Variants in KLHL8 observed in about 807,000 individuals in gnomAD.
KLHL8 encodes kelch like family member 8.
Under a neutral mutation model 63.5 loss-of-function variants are expected in KLHL8, and 38 were observed. That is an observed-to-expected ratio of 0.60 (90% confidence interval 0.46 to 0.78). The LOEUF (loss-of-function observed/expected upper bound fraction) is 0.78. Among genes scored for constraint, KLHL8 ranks in the 30% least tolerant of loss-of-function variants. KLHL8 has a pLI of 0.00. For missense variants in KLHL8, 566 were observed against 752.4 expected, an observed-to-expected ratio of 0.75 and a Z score of 2.90; for synonymous variants, 224 against 254.3, an observed-to-expected ratio of 0.88 and a Z score of 1.13.
intron 1 of KLHL8, among the ~76,000 whole-genome samples, chr4:87,234,924 TTAAAAAG>T (rs1733200980): frequency 6.6e-6 from 1 of 151,632 alleles, no homozygotes; most frequent in African/African-American, 2.4e-5. Context: ...AACCAACAGT[TTAAAAAG>T]AAAAGAAAAG....
At chr4:87,218,057 C>T (rs1732666958) in intron 1 of KLHL8, among the ~76,000 whole-genome samples, 1 of 152,076 alleles carries the variant, frequency 6.6e-6, no homozygotes, top group South Asian at 2.1e-4. Context: ...GATGTGATAA[C>T]ATGTCAATGT....
At chr4:87,164,952 T>C (rs969318882) in intron 8 of KLHL8, among the ~76,000 whole-genome samples, 8 of 151,820 alleles carry the variant, frequency 5.3e-5, no homozygotes, top group East Asian at 3.9e-4. Flanking sequence ...ATCGAGACCA[T>C]CCTGGCTAAC....
chr4:87,192,645 G>A (rs1319689582), intron 2 of KLHL8, among the ~76,000 whole-genome samples: 2 of 152,156 alleles, frequency 1.3e-5, no homozygotes, highest in East Asian at 3.8e-4. Flanking sequence ...ATGTGTCATT[G>A]AAGGATGGGG....
chr4:87,166,921 TG>T (rs1730422555), intron 8 of KLHL8: 1 of 167,666 alleles, frequency 6.0e-6, no homozygotes, highest in Non-Finnish European at 1.3e-5. Context: ...GCAGCCATGG[TG>T]AGGAGAGTGA....
chr4:87,196,402 T>C (rs1002941676), intron 1 of KLHL8, among the ~76,000 whole-genome samples: 61 of 152,156 alleles, frequency 4.0e-4, no homozygotes, highest in African/African-American at 1.5e-3. Flanking sequence ...GATATTTTGA[T>C]TGAATTAGGT....
At chr4:87,207,992 T>C in intron 1 of KLHL8, 1 of 735,744 alleles carries the variant, frequency 1.4e-6, no homozygotes, top group South Asian at 1.4e-5. Context: ...GGCATTGCCC[T>C]CAACAACCAC....
intron 8 of KLHL8, among the ~76,000 whole-genome samples, chr4:87,168,114 T>C (rs1730476029): frequency 6.6e-6 from 1 of 152,228 alleles, no homozygotes; most frequent in South Asian, 2.1e-4. Flanking sequence ...GTTTGATGCC[T>C]GCTGTTACTT....
In KLHL8 at chr4:87,234,491, G is replaced by A. The variant is rs140344140; in HGVS notation, n.57+5767C>T. On this transcript the variant is annotated intron_variant and non_coding_transcript_variant, in intron 1 of 1. Transcript: ENST00000506274. ...TGAAAAATTCCTATCCCTTAGTGAC[G>A]TCATAGCCATGATAATGTCCTGCAC... 3.7e-3 allele frequency among the ~76,000 whole-genome samples: 555 copies of A among 151,570 alleles called. 2 individuals carry two copies. Among genetic ancestry groups the A allele is most frequent in the Middle Eastern group, 0.017 (5 of 286 alleles).
chr4:87,185,629 C>T lies in KLHL8; in HGVS notation c.387G>A (p.Arg129=). 1.2e-6 allele frequency: 2 copies of T among 1,614,180 alleles called. No individual in the cohort carries two copies. The highest frequency in any genetic ancestry group is 1.7e-6 in the Non-Finnish European group (2 of 1,180,032). ...GGACATTGTCAACAGTCAAAGTGAG[C>T]CGTGAAGAATAGACAAACTTTACCA... The part of the protein sequence containing the change: ...EDLVKFVYSS[R]LTLTVDNVQP... Residue 129 remains arginine, a synonymous_variant, in exon 3 of 10, where the codon CGG becomes CGA. Transcript: ENST00000273963.
chr4:87,208,094 C>T (rs1732218742), intron 1 of KLHL8: 2 of 520,730 alleles, frequency 3.8e-6, no homozygotes, highest in Middle Eastern at 5.9e-4. Flanking sequence ...AAAAGGAAGA[C>T]CACCAGACCA....
chr4:87,204,046 T>C (rs1215544833), intron 1 of KLHL8, among the ~76,000 whole-genome samples: 1 of 152,224 alleles, frequency 6.6e-6, no homozygotes, highest in Non-Finnish European at 1.5e-5. Context: ...TCAACATCAC[T>C]GCCATTACGT....
chr4:87,214,417 TA>T (rs1287584887), intron 1 of KLHL8, among the ~76,000 whole-genome samples: 2 of 13,678 alleles, frequency 1.5e-4, no homozygotes, highest in Admixed American at 5.5e-4. Flanking sequence ...ACATAACAGA[TA>T]TATATATATA....
rs529465017 is a variant in KLHL8, at chr4:87,185,198, G to T, written c.765+53C>A. ...CTTTTCCTAATAAATGAAGCATGTT[G>T]ATTTGCTTCCATATCACTTCATTTC... On this transcript the variant is annotated intron_variant, in intron 3 of 9. Coordinates refer to ENST00000273963, the MANE Select transcript of KLHL8 (RefSeq NM_020803.5). 4 of 1,426,532 alleles carry T rather than the reference G, an allele frequency of 2.8e-6. No homozygotes were observed. The South Asian group carries it at 5.6e-5, about 20-fold the overall frequency. 88.4% of individuals were successfully genotyped at this position (1,426,532 alleles called of 1,614,324 possible).
At chr4:87,185,876 G>A in intron 2 of KLHL8, 77 bp from the exon 3 acceptor site, 1 of 1,255,398 alleles carries the variant, frequency 8.0e-7, no homozygotes, top group Non-Finnish European at 1.1e-6. Context: ...TGTGTTTGTA[G>A]CAGGGACAAA....
At chr4:87,226,837 AATAT>A (rs71840554) in intron 1 of KLHL8, among the ~76,000 whole-genome samples, 2 of 6,980 alleles carry the variant, frequency 2.9e-4, no homozygotes. Context: ...ATTTATAAAT[AATAT>A]ATATATTATA....
At chr4:87,180,250 C>T (rs541149722) in intron 4 of KLHL8, among the ~76,000 whole-genome samples, 2 of 152,314 alleles carry the variant, frequency 1.3e-5, no homozygotes, top group East Asian at 3.9e-4. Flanking sequence ...TTACCAGAGT[C>T]TAAGGTAGGT....
chr4:87,180,002 AG>A lies in KLHL8; in HGVS notation c.953-1383del, dbSNP rs374345327. On this transcript the variant is annotated intron_variant, in intron 4 of 9. Coordinates refer to ENST00000273963, the MANE Select transcript of KLHL8 (RefSeq NM_020803.5). ...AAGTGAAGGCTGATGCTGCTGGTCG[AG>A]GGGTGACCACTTCCTTCATACTTTG... is the stretch of plus-strand genomic sequence containing the variant. 8.5e-5 allele frequency among the ~76,000 whole-genome samples: 13 copies of A among 152,310 alleles called. No homozygotes were observed. In the South Asian group the frequency reaches 2.7e-3, roughly 32 times the overall value.
intron 1 of KLHL8, 37 bp from the exon 2 acceptor site, chr4:87,195,727 A>G (rs1424592701): frequency 6.1e-6 from 3 of 488,326 alleles, no homozygotes; most frequent in African/African-American, 5.8e-5. Context: ...GAGACAAACG[A>G]AAAGAAAAAA....
Position 87,199,402 on chromosome 4 carries a change from C to G in KLHL8, c.-151-3712G>C, listed in dbSNP as rs141551931. Among the ~76,000 whole-genome samples the G allele has an allele frequency of 2.7e-3, 404 of 152,142 alleles. 4 individuals are homozygous for G. Among genetic ancestry groups the G allele is most frequent in the African/African-American group, 9.3e-3 (387 of 41,506 alleles). ...GACTAGACTTGAAACCATAAAGCTA[C>G]TGGAGGAAAACACGTGGGGAAAAGG... On this transcript the variant is annotated intron_variant, in intron 1 of 9. Transcript: ENST00000273963.
Sources: allele counts gnomAD v4.1 joint callset (sites outside exome capture counted in the v4.1 genomes callset), GRCh38; gene constraint gnomAD v4.1.1; transcripts MANE v1.5; gene names NCBI Gene and HGNC (gene_info 2026-07-23, HGNC 2026-07-21).